Variants in TSGA10 observed in about 807,000 individuals in gnomAD.
TSGA10 encodes testis specific 10.
In TSGA10, 43 loss-of-function variants were observed where a neutral mutation model predicts 96.6. The ratio of observed to expected loss-of-function variants is 0.44; its 90% CI spans 0.35 to 0.57. TSGA10 has a LOEUF of 0.57. TSGA10 is among the 20% of genes least tolerant of loss of function. The probability of loss-of-function intolerance (pLI) is 0.01; values close to 1 mark genes in which losing one functional copy is unlikely to be tolerated. For synonymous variants in TSGA10, 229 were observed against 269.9 expected, an observed-to-expected ratio of 0.85 and a Z score of 1.48; for missense variants, 703 against 834.4, an observed-to-expected ratio of 0.84 and a Z score of 1.94.
chr2:99,097,896 G>A (rs556436199), intron 10 of TSGA10, among the ~76,000 whole-genome samples: 17 of 152,174 alleles, frequency 1.1e-4, no homozygotes, highest in African/African-American at 4.1e-4. Context: ...AAGAAAATTG[G>A]TATAGCTATG....
chr2:99,105,439 G>A lies in TSGA10; in HGVS notation c.382-3C>T. 1.2e-6 allele frequency: 2 copies of A among 1,612,638 alleles called. No homozygotes were observed. Among genetic ancestry groups the A allele is most frequent in the Non-Finnish European group, 1.7e-6 (2 of 1,179,806 alleles). ...TTAAATGCTGTCTCTTGAGCAATCT[G>A]ATTAAAAAGCAAAAACAAAATAAAG... On this transcript the variant is annotated splice_polypyrimidine_tract_variant and splice_region_variant and intron_variant, in intron 8 of 20. Transcript: ENST00000393483.
At chr2:99,005,583 A>G (rs1458042927) in intron 20 of TSGA10, among the ~76,000 whole-genome samples, 14 of 152,164 alleles carry the variant, frequency 9.2e-5, no homozygotes, top group East Asian at 7.8e-4. Flanking sequence ...TCCAACTTAC[A>G]AGGGATATGA....
At chr2:99,143,268 A>G (rs1234551633) in intron 1 of TSGA10, among the ~76,000 whole-genome samples, 1 of 149,796 alleles carries the variant, frequency 6.7e-6, no homozygotes, top group Admixed American at 6.7e-5. Context: ...CAGCCTCCCA[A>G]GTAGCTAGGA....
chr2:99,015,497 T>C (rs1489103143), intron 20 of TSGA10, among the ~76,000 whole-genome samples: 3 of 152,028 alleles, frequency 2.0e-5, no homozygotes, highest in African/African-American at 7.2e-5. Flanking sequence ...ACACTTCACA[T>C]AGATAGGTAA....
At chr2:99,093,271 C>A (rs1275156600) in intron 10 of TSGA10, among the ~76,000 whole-genome samples, 5 of 152,100 alleles carry the variant, frequency 3.3e-5, no homozygotes, top group Admixed American at 1.3e-4. Flanking sequence ...TAAAAGCCGT[C>A]TACGGACATA....
chr2:99,061,802 A>G (rs1337893622), intron 16 of TSGA10, among the ~76,000 whole-genome samples: 3 of 152,228 alleles, frequency 2.0e-5, no homozygotes, highest in Non-Finnish European at 2.9e-5. Flanking sequence ...TAGTGTGACT[A>G]TATTTGGAGA....
chr2:99,004,939 C>G (rs948912646), intron 20 of TSGA10, among the ~76,000 whole-genome samples: 6 of 152,190 alleles, frequency 3.9e-5, no homozygotes, highest in Non-Finnish European at 8.8e-5. Flanking sequence ...AAAAGCTTAT[C>G]CACCATCATC....
intron 1 of TSGA10, among the ~76,000 whole-genome samples, chr2:99,153,280 T>C (rs2093711102): frequency 6.6e-6 from 1 of 152,242 alleles, no homozygotes; most frequent in Non-Finnish European, 1.5e-5. Flanking sequence ...AAAGCCATTT[T>C]GGAGTACGTT....
intron 1 of TSGA10, chr2:99,141,143 C>A: frequency 2.4e-6 from 3 of 1,272,696 alleles, no homozygotes; most frequent in South Asian, 2.5e-5. Flanking sequence ...AGCTCATCCC[C>A]GCGACTGTCA....
rs1405209722 is a variant in TSGA10, at chr2:99,105,668, T to A, written c.240A>T (p.Arg80=). The A allele has an allele frequency of 1.3e-6, 2 of 1,591,720 alleles. No homozygotes were observed. Among genetic ancestry groups the A allele is most frequent in the Non-Finnish European group, 8.6e-7 (1 of 1,161,484 alleles). ...QAQEEITRLR[R]EMMKSCKSPK... is the part of the protein sequence containing the mutation. ...GACTCTTACAGCTTTTCATCATTTC[T>A]CGTCGAAGTCGGGTAATTTCTTCCT... Residue 80 remains arginine, a synonymous_variant, in exon 8 of 21, where the codon CGA becomes CGT. Transcript: ENST00000393483.
intron 1 of TSGA10, among the ~76,000 whole-genome samples, chr2:99,132,339 C>T (rs911702150): frequency 1.2e-4 from 18 of 151,810 alleles, no homozygotes; most frequent in African/African-American, 3.6e-4. Flanking sequence ...CAACTTCTTC[C>T]TGGTTTAGTC....
chr2:99,125,943 CAAG>C (rs1313647304), intron 2 of TSGA10: 1 of 152,426 alleles, frequency 6.6e-6, no homozygotes, highest in South Asian at 2.1e-4. Context: ...TCCACCACAG[CAAG>C]AAGGAGTGCC....
chr2:99,071,662 A>ATGT (rs1441608071), intron 14 of TSGA10, 44 bp downstream of exon 14: 1 of 1,569,752 alleles, frequency 6.4e-7, no homozygotes, highest in Admixed American at 1.8e-5. Context: ...CAAGAAATTC[A>ATGT]TATTTTTTTT....
intron 1 of TSGA10, among the ~76,000 whole-genome samples, chr2:99,142,580 T>G (rs1318897928): frequency 6.6e-6 from 1 of 152,240 alleles, no homozygotes; most frequent in Non-Finnish European, 1.5e-5. Flanking sequence ...ATCATATACT[T>G]TGTAAGTATA....
Position 99,105,344 on chromosome 2 carries a change from T to TC in TSGA10, c.459+14_459+15insG. 2 of 1,305,590 alleles carry TC rather than the reference T, an allele frequency of 1.5e-6. No individual in the cohort carries two copies. The highest frequency in any genetic ancestry group is 3.0e-5 in the East Asian group (1 of 33,434). The allele number at this position is 1,305,590 out of a possible 1,614,324, so 80.9% of individuals were successfully genotyped here. On this transcript the variant is annotated intron_variant, in intron 9 of 20. Transcript: ENST00000393483. ...TTTATAGCCAAAAGAGACTTTTCTT[T>TC]TTTTTTTTTTTTACATTATGAACTG...
chr2:99,052,253 G>T (rs1414103216), intron 16 of TSGA10, among the ~76,000 whole-genome samples: 1 of 151,732 alleles, frequency 6.6e-6, no homozygotes, highest in African/African-American at 2.4e-5. Flanking sequence ...AAGAAAAAAA[G>T]AAGTCTCAAA....
intron 4 of TSGA10, among the ~76,000 whole-genome samples, chr2:99,114,993 CG>C (rs2092134487): frequency 6.6e-6 from 1 of 152,120 alleles, no homozygotes; most frequent in South Asian, 2.1e-4. Flanking sequence ...TAGAGCGTGA[CG>C]TGATTTTGGC....
intron 2 of TSGA10, among the ~76,000 whole-genome samples, chr2:99,118,952 T>C (rs1239304473): frequency 1.3e-5 from 2 of 150,998 alleles, no homozygotes; most frequent in Admixed American, 1.3e-4. Context: ...AGATACTGTG[T>C]TAGTACCCTG....
At chr2:99,108,477 T>G (rs567456854) in intron 7 of TSGA10, among the ~76,000 whole-genome samples, 1 of 152,180 alleles carries the variant, frequency 6.6e-6, no homozygotes, top group South Asian at 2.1e-4. Context: ...GTTCCTAAAG[T>G]GATGTGATAA....
Sources: gnomAD v4.1 joint callset for allele counts (sites outside exome capture counted in the v4.1 genomes callset) on GRCh38, gnomAD v4.1.1 for gene constraint, MANE v1.5 for transcripts, NCBI Gene and HGNC (gene_info 2026-07-23, HGNC 2026-07-21) for gene names.